STK36: variants seen among roughly 807,000 people sequenced by gnomAD.
STK36 encodes the protein serine/threonine kinase 36, also known as serine/threonine-protein kinase 36.
In STK36, 116 loss-of-function variants were observed where a neutral mutation model predicts 142.2. The observed-to-expected ratio is 0.82, with a 90% CI of 0.70 to 0.95. The LOEUF is 0.95. Among genes scored for constraint, STK36 ranks in the 40% least tolerant of loss-of-function variants. The pLI is 0.00. For missense variants in STK36, 1,422 were observed against 1,617.2 expected (o/e 0.88, Z 2.07); for synonymous variants, 619 against 641.7 (o/e 0.96, Z 0.53).
chr2:218,678,800 C>T (rs142629892), intron 6 of STK36, among the ~76,000 whole-genome samples: 144 of 152,304 alleles, frequency 9.5e-4, no homozygotes, highest in Admixed American at 2.4e-3. Flanking sequence ...GGGAGGGCAG[C>T]GTGAATAGTT....
In STK36 at chr2:218,673,648, A is replaced by G. The variant is rs763358271; in HGVS notation, c.108A>G (p.Pro36=). 1 of 1,613,964 alleles carries G rather than the reference A, an allele frequency of 6.2e-7. No homozygotes were observed. Among genetic ancestry groups the G allele is most frequent in the African/African-American group, 1.3e-5 (1 of 74,924 alleles). Residue 36 remains proline, a synonymous_variant, in exon 3 of 27, where the codon CCA becomes CCG. Transcript: ENST00000295709. ...AGGTCGTGGCCCTGAAGTTCATCCC[A>G]AAATTGGGGCGCTCAGAGAAGGAGC... ...SAQVVALKFI[P]KLGRSEKELR...
Position 218,680,059 on chromosome 2 carries a change from G to C in STK36, c.1115G>C (p.Gly372Ala), listed in dbSNP as rs1940444110. The C allele has an allele frequency of 6.2e-7, 1 of 1,614,060 alleles. No homozygotes were observed. The highest frequency in any genetic ancestry group is 1.3e-5 in the African/African-American group (1 of 74,920). The change falls in exon 9 of 27, where the codon GGA (glycine) becomes GCA (alanine). Residue 372 changes from glycine (G) to alanine (A), a missense_variant. By Grantham distance (60) the Gly-to-Ala change is moderately conservative (BLOSUM62 0). Coordinates refer to ENST00000295709, the MANE Select transcript of STK36 (RefSeq NM_015690.5). The stretch of plus-strand genomic sequence containing the variant: ...AGCAGCTGGGCTAAATCAGGGACTG[G>C]AGAGGTGCCCTCTGCACCTCGGTGA... ...LKSSWAKSGT[G>A]EVPSAPRENR...
At chr2:218,689,819 C>A in intron 12 of STK36, 40 bp from the exon 13 acceptor site, 3 of 1,561,262 alleles carry the variant, frequency 1.9e-6, no homozygotes, top group Non-Finnish European at 2.6e-6. Context: ...TGTTTCCATC[C>A]TTCACATTGC....
intron 26 of STK36, among the ~76,000 whole-genome samples, chr2:218,701,123 G>A (rs1941424300): frequency 6.8e-6 from 1 of 147,350 alleles, no homozygotes; most frequent in Non-Finnish European, 1.5e-5. Context: ...AAATTTGAGA[G>A]GATGGTGAAG....
Position 218,696,598 on chromosome 2 carries a change from T to G in STK36, c.2583T>G (p.Thr861=), listed in dbSNP as rs757218910. The G allele has an allele frequency of 6.2e-7, 1 of 1,614,012 alleles. No individual in the cohort carries two copies. Among genetic ancestry groups the G allele is most frequent in the Non-Finnish European group, 8.5e-7 (1 of 1,179,878 alleles). Residue 861 remains threonine (T), a synonymous_variant, in exon 22 of 27, where the codon ACT becomes ACG. Transcript: ENST00000295709. ...TTATCCTTCTGTTGCAGCTCCTCAC[T>G]GAGGTACAGATGGATCTTGGGATGG... ...GLLILLLQLL[T]EQGKASLIRD... is the part of the protein sequence containing the mutation.
chr2:218,674,076 A>T, intron 4 of STK36, 120 bp downstream of exon 4: 2 of 944,886 alleles, frequency 2.1e-6, no homozygotes, highest in Non-Finnish European at 3.2e-6. Flanking sequence ...AGAATATAAG[A>T]GTCTAGGTAT....
At chr2:218,684,967 A>C (rs1037155910) in intron 10 of STK36, 118 bp from the exon 11 acceptor site, 3 of 1,313,880 alleles carry the variant, frequency 2.3e-6, no homozygotes, top group Non-Finnish European at 3.2e-6. Flanking sequence ...CATCTGTGCT[A>C]AAGGGGTCAC....
Position 218,677,982 on chromosome 2 carries a change from G to A in STK36, c.685-1186G>A, listed in dbSNP as rs1317779264. Reference sequence around the variant, plus strand: ...ATTTTTTGTAATTTTTAGTAGAGACGGGGTTTCACCGTGTTAGCCAGGATG... The same window carrying A: ...ATTTTTTGTAATTTTTAGTAGAGACAGGGTTTCACCGTGTTAGCCAGGATG... On this transcript the variant is annotated intron_variant, in intron 6 of 26. Transcript: ENST00000295709. 7.9e-5 allele frequency among the ~76,000 whole-genome samples: 12 copies of A among 152,272 alleles called. No homozygotes were observed. The South Asian group carries it at 8.3e-4, about 11-fold the overall frequency.
intron 2 of STK36, 159 bp downstream of exon 2, chr2:218,673,072 G>A (rs768922921): frequency 3.2e-5 from 19 of 592,980 alleles, no homozygotes; most frequent in Non-Finnish European, 4.6e-5. Flanking sequence ...TGGATTATTT[G>A]GGTGCAAATT....
In STK36 at chr2:218,672,870, CT is replaced by C; in HGVS notation, c.45del (p.Phe15LeufsTer18). Reference sequence around the variant, plus strand: ...GTGTTGGAGATGATTGGAGAAGGCTCTTTTGGGAGGGTGTACAAGGGTCGAA... The same window carrying C: ...GTGTTGGAGATGATTGGAGAAGGCTCTTTGGGAGGGTGTACAAGGGTCGAA... The part of the protein sequence containing the change: ...YHVLEMIGEG[S>X]FGRVYKGRRK... On this transcript the variant is annotated frameshift_variant, in exon 2 of 27. Transcript: ENST00000295709. LOFTEE classifies it high-confidence loss of function. 6.2e-7 allele frequency: 1 copy of C among 1,614,064 alleles called. No individual in the cohort carries two copies. The highest frequency in any genetic ancestry group is 1.6e-4 in the Middle Eastern group (1 of 6,062).
At chr2:218,676,372 C>T (rs900266330) in intron 6 of STK36, 94 bp downstream of exon 6, 14 of 1,487,300 alleles carry the variant, frequency 9.4e-6, no homozygotes, top group South Asian at 3.9e-5. Context: ...AGAGCTGAGG[C>T]GGGACTTTGC....
intron 17 of STK36, 90 bp downstream of exon 17, chr2:218,693,434 A>G (rs1941091576): frequency 7.1e-6 from 9 of 1,272,356 alleles, no homozygotes; most frequent in Admixed American, 4.1e-5. Context: ...GAGGAGGACT[A>G]AAAGAGAGAG....
intron 6 of STK36, among the ~76,000 whole-genome samples, chr2:218,677,367 C>T (rs1176138019): frequency 2.0e-5 from 3 of 152,298 alleles, no homozygotes; most frequent in East Asian, 3.9e-4. Flanking sequence ...TATTACAATT[C>T]GACATGAGAT....
intron 14 of STK36, among the ~76,000 whole-genome samples, chr2:218,691,649 G>C (rs541367101): frequency 4.6e-5 from 7 of 151,920 alleles, no homozygotes. Flanking sequence ...TCCACCCTCC[G>C]GGCTCAAGCA....
rs750146030 is a variant in STK36 at position 218,679,578 on chromosome 2, G to A, written c.797G>A (p.Gly266Asp). The A allele has an allele frequency of 1.9e-6, 3 of 1,613,956 alleles. No homozygotes were observed. The South Asian group carries it at 3.3e-5, about 18-fold the overall frequency. The change falls in exon 8 of 27, where the codon GGC (glycine) becomes GAC (aspartate). Residue 266 changes from glycine (G) to aspartate (D), a missense_variant. By Grantham distance (94) the Gly-to-Asp change is moderately conservative (BLOSUM62 -1). Coordinates refer to ENST00000295709, the MANE Select transcript of STK36 (RefSeq NM_015690.5). ...GHVTIITEPA[G>D]PDLGTPFTSR... ...CCTGCAGTAATAACTGAGCCAGCAG[G>A]CCCAGATTTGGGGACCCCATTCACC... is the stretch of plus-strand genomic sequence containing the variant.
At position 218,676,269 on chromosome 2, in the gene STK36, C is replaced by T. The variant is rs1041994441; in HGVS notation, c.675C>T (p.Pro225=). Residue 225 remains proline (P), a synonymous_variant, in exon 6 of 27, where the codon CCC becomes CCT. Coordinates refer to ENST00000295709, the MANE Select transcript of STK36 (RefSeq NM_015690.5). Reference sequence around the variant, plus strand: ...TGCGCTGGCCCTCAACCATCAGTCCCTGCTTTAAGGTAATGAATATTGAAA... The same window carrying T: ...TGCGCTGGCCCTCAACCATCAGTCCTTGCTTTAAGGTAATGAATATTGAAA... ...DPVRWPSTIS[P]CFKNFLQGLL... is the part of the protein sequence containing the mutation. The T allele has an allele frequency of 2.5e-6, 4 of 1,614,032 alleles. No homozygotes were observed. The African/African-American group carries it at 5.3e-5, about 22-fold the overall frequency.
chr2:218,691,549 T>C (rs1443929867), intron 14 of STK36, among the ~76,000 whole-genome samples: 1 of 151,958 alleles, frequency 6.6e-6, no homozygotes, highest in East Asian at 1.9e-4. Context: ...TCCCTAGGAT[T>C]TCTTCTTTTC....
At chr2:218,684,449 C>T (rs1165735921) in intron 10 of STK36, among the ~76,000 whole-genome samples, 2 of 85,768 alleles carry the variant, frequency 2.3e-5, no homozygotes, top group Admixed American at 1.9e-4. Context: ...GAGACAGAGT[C>T]TCACTCTGTC....
chr2:218,687,604 C>T (rs1350166751), intron 11 of STK36, among the ~76,000 whole-genome samples: 2 of 152,160 alleles, frequency 1.3e-5, no homozygotes, highest in Non-Finnish European at 2.9e-5. Flanking sequence ...TGTGGGGAGG[C>T]AGACTGAAAG....
Sources: allele counts gnomAD v4.1 joint callset (sites outside exome capture counted in the v4.1 genomes callset), GRCh38; gene constraint gnomAD v4.1.1; transcripts MANE v1.5; gene names NCBI Gene and HGNC (gene_info 2026-07-23, HGNC 2026-07-21).